SHROOM3: variants seen among roughly 807,000 people sequenced by gnomAD.
SHROOM3 encodes shroom family member 3.
In SHROOM3, 47 loss-of-function variants were observed where a neutral mutation model predicts 138.6. The ratio of observed to expected loss-of-function variants is 0.34; its 90% CI spans 0.27 to 0.43. The LOEUF is 0.43. SHROOM3 is among the 20% of genes least tolerant of loss of function. The probability of loss-of-function intolerance (pLI) is 1.00; values close to 1 mark genes in which losing one functional copy is unlikely to be tolerated. For synonymous variants in SHROOM3, 1,062 were observed against 1,063.3 expected (o/e 1.00, Z 0.02); for missense variants, 2,491 against 2,596.5 (o/e 0.96, Z 0.88).
At chr4:76,772,179 C>T (rs1424391694) in intron 10 of SHROOM3, among the ~76,000 whole-genome samples, 2 of 149,802 alleles carry the variant, frequency 1.3e-5, no homozygotes, top group African/African-American at 4.9e-5. Flanking sequence ...TCTAAGCTCA[C>T]TGCAACCTCT....
chr4:76,522,188 A>G (rs1351368155), intron 1 of SHROOM3, among the ~76,000 whole-genome samples: 1 of 149,660 alleles, frequency 6.7e-6, no homozygotes, highest in African/African-American at 2.4e-5. Context: ...AGGACAACGG[A>G]GAAGTTTGAA....
chr4:76,742,154 CTAT>C (rs1721284677), intron 5 of SHROOM3: 1 of 473,044 alleles, frequency 2.1e-6, no homozygotes, highest in African/African-American at 2.8e-5. Context: ...TACAGATTCT[CTAT>C]CTATCTGTCT....
intron 1 of SHROOM3, among the ~76,000 whole-genome samples, chr4:76,443,971 A>G (rs1730750887): frequency 6.6e-6 from 1 of 152,132 alleles, no homozygotes; most frequent in Non-Finnish European, 1.5e-5. Context: ...TCTGTCACCT[A>G]GGCTAGAGTG....
chr4:76,762,689 A>C (rs2110149724), intron 9 of SHROOM3, among the ~76,000 whole-genome samples: 1 of 152,328 alleles, frequency 6.6e-6, no homozygotes, highest in South Asian at 2.1e-4. Context: ...CTTAGTGAGA[A>C]CACACCTTCT....
At chr4:76,667,209 A>G (rs1163547101) in intron 2 of SHROOM3, among the ~76,000 whole-genome samples, 1 of 152,192 alleles carries the variant, frequency 6.6e-6, no homozygotes, top group Non-Finnish European at 1.5e-5. Context: ...TCTGTAGATG[A>G]ATGCTGGTGA....
chr4:76,483,812 A>G (rs1251866999), intron 1 of SHROOM3, among the ~76,000 whole-genome samples: 1 of 152,246 alleles, frequency 6.6e-6, no homozygotes, highest in Non-Finnish European at 1.5e-5. Flanking sequence ...ATATACAGCC[A>G]TAAAAAAGGA....
At chr4:76,476,026 T>C (rs1191381917) in intron 1 of SHROOM3, among the ~76,000 whole-genome samples, 1 of 152,228 alleles carries the variant, frequency 6.6e-6, no homozygotes, top group Non-Finnish European at 1.5e-5. Context: ...CAATCCTACC[T>C]GTAACTGCAA....
intron 2 of SHROOM3, among the ~76,000 whole-genome samples, chr4:76,564,340 G>A (rs911304769): frequency 2.0e-5 from 3 of 152,162 alleles, no homozygotes; most frequent in Non-Finnish European, 4.4e-5. Flanking sequence ...AGAGGAAGGA[G>A]GCAGCTGCAG....
At position 76,741,391 on chromosome 4, in the gene SHROOM3, T is replaced by C. The variant is rs753891677; in HGVS notation, c.3218T>C (p.Leu1073Pro). ...GGCAAGGCCTGCTCCACGCTCAGCC[T>C]GTCGGGGCCCGAGCTGAAGCAGTTC... is the stretch of plus-strand genomic sequence containing the variant. ...RDGKACSTLS[L>P]SGPELKQFQQ... is the part of the protein sequence containing the mutation. Residue 1073 changes from leucine (L) to proline (P), a missense_variant, in exon 5 of 11, where the codon CTG becomes CCG. This residue lies in a region of SHROOM3 where 1,733 missense variants were observed against 1,661.6 expected (regional missense o/e 1.04). Coordinates refer to ENST00000296043, the MANE Select transcript of SHROOM3 (RefSeq NM_020859.4). The surrounding 1 kb of genome is among the most constrained non-coding windows in gnomAD (Gnocchi z 6.2). 7 of 1,602,086 alleles carry C rather than the reference T, an allele frequency of 4.4e-6. No homozygotes were observed. Among genetic ancestry groups the C allele is most frequent in the Non-Finnish European group, 5.1e-6 (6 of 1,175,260 alleles).
chr4:76,556,822 C>T (rs904332624), intron 2 of SHROOM3, among the ~76,000 whole-genome samples: 1 of 152,204 alleles, frequency 6.6e-6, no homozygotes, highest in Non-Finnish European at 1.5e-5. Context: ...CCTAAGTGAG[C>T]CCATGCTCAG....
At chr4:76,601,547 C>T (rs1734505182) in intron 2 of SHROOM3, among the ~76,000 whole-genome samples, 1 of 152,114 alleles carries the variant, frequency 6.6e-6, no homozygotes, top group Admixed American at 6.5e-5. Context: ...ATTTATCGTC[C>T]AGGCTGCAGT....
intron 2 of SHROOM3, among the ~76,000 whole-genome samples, chr4:76,703,497 C>G (rs1719961998): frequency 6.6e-6 from 1 of 152,134 alleles, no homozygotes; most frequent in Admixed American, 6.5e-5. Flanking sequence ...CTATGTTTGG[C>G]TAAGAACAGA....
At chr4:76,440,072 C>T (rs1730638478) in intron 1 of SHROOM3, among the ~76,000 whole-genome samples, 1 of 152,214 alleles carries the variant, frequency 6.6e-6, no homozygotes, top group South Asian at 2.1e-4. Flanking sequence ...AGCAGTTCCA[C>T]CTGCAGAAGA....
Position 76,765,840 on chromosome 4 carries a change from C to G in SHROOM3, c.5350-4786C>G, listed in dbSNP as rs77571979. On this transcript the variant is annotated intron_variant, in intron 9 of 10. Coordinates refer to ENST00000296043, the MANE Select transcript of SHROOM3 (RefSeq NM_020859.4). Reference sequence around the variant, plus strand: ...AATTTCTGGCCTCCATTTCAACATTCATGACTTGAGAAGTCGAATTTCTAG... The same window carrying G: ...AATTTCTGGCCTCCATTTCAACATTGATGACTTGAGAAGTCGAATTTCTAG... 2.1e-3 allele frequency among the ~76,000 whole-genome samples: 326 copies of G among 152,342 alleles called. 3 individuals are homozygous for G. Among genetic ancestry groups the G allele is most frequent in the African/African-American group, 7.4e-3 (308 of 41,570 alleles).
chr4:76,648,815 A>T (rs1488909726), intron 2 of SHROOM3, among the ~76,000 whole-genome samples: 1 of 152,198 alleles, frequency 6.6e-6, no homozygotes, highest in Non-Finnish European at 1.5e-5. Context: ...GTGGTGGTGG[A>T]TATATGAAGG....
intron 1 of SHROOM3, among the ~76,000 whole-genome samples, chr4:76,518,446 A>G (rs1732489884): frequency 6.6e-6 from 1 of 151,644 alleles, no homozygotes; most frequent in African/African-American, 2.4e-5. Flanking sequence ...GTTTTATTTC[A>G]TTTTCTTTCC....
At chr4:76,626,706 T>C (rs957058061) in intron 2 of SHROOM3, among the ~76,000 whole-genome samples, 4 of 152,166 alleles carry the variant, frequency 2.6e-5, no homozygotes, top group Non-Finnish European at 4.4e-5. Flanking sequence ...GAGGAAGGAA[T>C]TGAGGCTCAG....
intron 2 of SHROOM3, among the ~76,000 whole-genome samples, chr4:76,650,819 A>T (rs1404258513): frequency 6.6e-6 from 1 of 152,172 alleles, no homozygotes; most frequent in Admixed American, 6.5e-5. Flanking sequence ...CTGGGATTAT[A>T]GGCATGAGCC....
chr4:76,670,833 G>C (rs990685237), intron 2 of SHROOM3, among the ~76,000 whole-genome samples: 6 of 152,054 alleles, frequency 3.9e-5, no homozygotes, highest in Non-Finnish European at 8.8e-5. Context: ...CATGCCTGTG[G>C]TCTCAGATAC....
Sources: allele counts gnomAD v4.1 joint callset (sites outside exome capture counted in the v4.1 genomes callset), GRCh38; gene constraint gnomAD v4.1.1; regional missense constraint gnomAD v4.1.1; non-coding constraint Gnocchi (gnomAD v3.1); transcripts MANE v1.5; gene names NCBI Gene and HGNC (gene_info 2026-07-23, HGNC 2026-07-21).